Variants in NUDT14 observed in about 807,000 individuals in gnomAD.
NUDT14 encodes the protein uridine diphosphate glucose pyrophosphatase NUDT14.
NUDT14 carries 22 observed loss-of-function variants against 17.5 expected under a neutral mutation model. The ratio of observed to expected loss-of-function variants is 1.26; its 90% CI spans 0.90 to 1.80. NUDT14 has a LOEUF of 1.80. Ranked by LOEUF, NUDT14 falls within the 40% of genes most tolerant of loss-of-function variation. NUDT14 has a pLI of 0.00. For synonymous variants in NUDT14, 129 were observed against 125.8 expected (o/e 1.03, Z -0.17); for missense variants, 296 against 295.6 (o/e 1.00, Z -0.01).
rs1160827085 is a variant in NUDT14 at position 105,181,120 on chromosome 14, C to G, written c.81+9G>C. 4.8e-6 allele frequency: 5 copies of G among 1,034,928 alleles called. No homozygotes were observed. The highest frequency in any genetic ancestry group is 5.9e-6 in the Non-Finnish European group (5 of 853,554). The allele number at this position is 1,034,928 out of a possible 1,614,324, so 64.1% of individuals were successfully genotyped here. On this transcript the variant is annotated intron_variant, in intron 1 of 4. Transcript: ENST00000392568. The surrounding 1 kb of genome is among the most constrained non-coding windows in gnomAD (Gnocchi z 5.0). Reference sequence around the variant, plus strand: ...CGGGGGCGCGGGGGACGCGGGGGCGCGGGCTCACCTGGCGGTAATGCAGCG... The same window carrying G: ...CGGGGGCGCGGGGGACGCGGGGGCGGGGGCTCACCTGGCGGTAATGCAGCG...
chr14:105,174,745 T>C (rs1388725411), intron 4 of NUDT14, among the ~76,000 whole-genome samples: 1 of 151,848 alleles, frequency 6.6e-6, no homozygotes, highest in Non-Finnish European at 1.5e-5. Flanking sequence ...CTGAGAGGAA[T>C]CTGCCAGCCA....
At position 105,173,334 on chromosome 14, in the gene NUDT14, C is replaced by T. The variant is rs2141005469; in HGVS notation, c.429-73G>A. The T allele has an allele frequency of 7.1e-7, 1 of 1,402,904 alleles. No individual in the cohort carries two copies. Among genetic ancestry groups the T allele is most frequent in the Non-Finnish European group, 9.2e-7 (1 of 1,084,254 alleles). The allele number at this position is 1,402,904 out of a possible 1,614,324, so 86.9% of individuals were successfully genotyped here. A position where few individuals can be genotyped will look rare whatever the true frequency, so the allele number is the denominator to read the frequency against. On this transcript the variant is annotated intron_variant, in intron 4 of 4. Transcript: ENST00000392568. This position sits in a 1 kb window ranked among gnomAD's most constrained non-coding sequence, Gnocchi z 4.7. ...GGCCCCCTGGCCCTTCTACCACCCT[C>T]CAACCCACCCTCTCCACTCTGCTCC...
chr14:105,177,927 G>A (rs1889251511), intron 1 of NUDT14, among the ~76,000 whole-genome samples, 192 bp from the exon 2 acceptor site: 1 of 152,070 alleles, frequency 6.6e-6, no homozygotes, highest in South Asian at 2.1e-4. Flanking sequence ...GGGAGGTCAA[G>A]GACAGCCTAA....
At chr14:105,177,221 G>T in intron 2 of NUDT14, 194 bp from the exon 3 acceptor site, 2 of 655,654 alleles carry the variant, frequency 3.1e-6, no homozygotes, top group East Asian at 5.5e-5. Context: ...GTCTGGCCAG[G>T]ACCCAGACCT....
At chr14:105,175,925 G>T (rs866251626) in intron 4 of NUDT14, 5 of 1,241,814 alleles carry the variant, frequency 4.0e-6, no homozygotes, top group Middle Eastern at 2.3e-4. Flanking sequence ...GGGGGTGGGG[G>T]TCTGTGACAC....
chr14:105,178,597 TG>T (rs1889265956), intron 1 of NUDT14, among the ~76,000 whole-genome samples: 1 of 152,190 alleles, frequency 6.6e-6, no homozygotes, highest in East Asian at 1.9e-4. Context: ...GGGCTGAGCC[TG>T]GGGTCCCGCG....
At position 105,181,166 on chromosome 14, in the gene NUDT14, G is replaced by A; in HGVS notation, c.44C>T (p.Ser15Leu). Residue 15 changes from serine (S) to leucine (L), a missense_variant, in exon 1 of 5, where the codon TCA (serine) becomes TTA (leucine). Physicochemically the swap from Ser to Leu is moderately radical, Grantham distance 145. Transcript: ENST00000392568. This position sits in a 1 kb window ranked among gnomAD's most constrained non-coding sequence, Gnocchi z 5.0. The part of the protein sequence containing the change: ...EGASVGRCAA[S>L]PYLRPLTLHY... ...CAGCGTGAGCGGCCGCAGGTAGGGT[G>A]AGGCGGCGCAGCGGCCCACGGACGC... 8.5e-7 allele frequency: 1 copy of A among 1,180,826 alleles called. No individual in the cohort carries two copies. Among genetic ancestry groups the A allele is most frequent in the Non-Finnish European group, 1.1e-6 (1 of 946,982 alleles). 73.1% of individuals were successfully genotyped at this position (1,180,826 alleles called of 1,614,324 possible).
chr14:105,175,132 C>T lies in NUDT14; in HGVS notation c.428+1402G>A, dbSNP rs587724154. Among the ~76,000 whole-genome samples the T allele has an allele frequency of 1.2e-4, 19 of 152,314 alleles. No individual in the cohort carries two copies. The Middle Eastern group carries it at 0.01, about 82-fold the overall frequency. On this transcript the variant is annotated intron_variant, in intron 4 of 4. Coordinates refer to ENST00000392568, the MANE Select transcript of NUDT14 (RefSeq NM_177533.5). The stretch of plus-strand genomic sequence containing the variant: ...CCAGAGGCTGTACCAGTAGAACCAC[C>T]GCGGCCAGGGCTGCTTGACCACTTG...
intron 4 of NUDT14, 127 bp downstream of exon 4, chr14:105,176,407 C>T: frequency 1.2e-6 from 1 of 831,984 alleles, no homozygotes; most frequent in South Asian, 1.6e-5. Flanking sequence ...TCGGTCCAAC[C>T]CTCCCCTAAT....
chr14:105,175,677 G>A (rs903700695), intron 4 of NUDT14: 68 of 989,960 alleles, frequency 6.9e-5, no homozygotes, highest in Non-Finnish European at 7.9e-5. Context: ...TGGGATTACA[G>A]GCGTGAGCCA....
At position 105,172,998 on chromosome 14, in the gene NUDT14, CCT is replaced by C; in HGVS notation, c.*21_*22del. On this transcript the variant is annotated 3_prime_UTR_variant, in exon 5 of 5. Transcript: ENST00000392568. ...GTGTGGGGTGAGTGGCCAAGACTGG[CCT>C]CTGTCTAGAACCCTGGAGTCTCACT... 2.0e-6 allele frequency: 3 copies of C among 1,478,132 alleles called. No homozygotes were observed. Among genetic ancestry groups the C allele is most frequent in the Non-Finnish European group, 2.7e-6 (3 of 1,115,118 alleles). 91.6% of individuals were successfully genotyped at this position (1,478,132 alleles called of 1,614,324 possible).
At chr14:105,174,695 G>C (rs184807583) in intron 4 of NUDT14, among the ~76,000 whole-genome samples, 1 of 152,026 alleles carries the variant, frequency 6.6e-6, no homozygotes, top group Non-Finnish European at 1.5e-5. Context: ...CCCGGTTTCC[G>C]CCGGCTTGTG....
At chr14:105,177,584 A>G (rs1889243047) in intron 2 of NUDT14, 108 bp downstream of exon 2, 1 of 1,026,270 alleles carries the variant, frequency 9.7e-7, no homozygotes, top group Middle Eastern at 2.7e-4. Flanking sequence ...GAGCCCACGC[A>G]GGGAACAGCA....
intron 4 of NUDT14, chr14:105,175,956 T>C: frequency 7.9e-7 from 1 of 1,265,458 alleles, no homozygotes; most frequent in Non-Finnish European, 1.0e-6. Flanking sequence ...CCCCAAGACC[T>C]CAGCTGGGGT....
chr14:105,176,317 G>T (rs961862197), intron 4 of NUDT14: 2 of 600,756 alleles, frequency 3.3e-6, no homozygotes, highest in Non-Finnish European at 5.9e-6. Context: ...GGGGCCGCAG[G>T]CTGGGGGCAT....
At chr14:105,175,916 G>T in intron 4 of NUDT14, 2 of 1,215,386 alleles carry the variant, frequency 1.6e-6, no homozygotes, top group Non-Finnish European at 2.1e-6. Flanking sequence ...TCAGCTGGTG[G>T]GGGTGGGGGT....
At position 105,177,709 on chromosome 14, in the gene NUDT14, G is replaced by GAA; in HGVS notation, c.106_107dup (p.Met37SerfsTer2). On this transcript the variant is annotated frameshift_variant, in exon 2 of 5. Transcript: ENST00000392568. LOFTEE classifies it high-confidence loss of function. Reference sequence around the variant, plus strand: ...GCTCTCACCTGTCATGCGTCTTCATGAAGTCCCAGGACTTCTGGGCACCAT... The same window carrying GAA: ...GCTCTCACCTGTCATGCGTCTTCATGAAAAGTCCCAGGACTTCTGGGCACCAT... 6.2e-7 allele frequency: 1 copy of GAA among 1,612,500 alleles called. No individual in the cohort carries two copies. Among genetic ancestry groups the GAA allele is most frequent in the Non-Finnish European group, 8.5e-7 (1 of 1,179,760 alleles).
chr14:105,177,269 G>T, intron 2 of NUDT14: 1 of 643,942 alleles, frequency 1.6e-6, no homozygotes, highest in East Asian at 2.8e-5. Flanking sequence ...GCGGGGGGCA[G>T]GGAAGGACAC....
intron 2 of NUDT14, 25 bp from the exon 3 acceptor site, chr14:105,177,052 C>T: frequency 6.2e-7 from 1 of 1,607,284 alleles, no homozygotes. Flanking sequence ...AGGGGCTCAG[C>T]ACAGAAGCAC....
Sources: gnomAD v4.1 joint callset for allele counts (sites outside exome capture counted in the v4.1 genomes callset) on GRCh38, gnomAD v4.1.1 for gene constraint, Gnocchi (gnomAD v3.1) non-coding constraint, MANE v1.5 for transcripts, NCBI Gene and HGNC (gene_info 2026-07-23, HGNC 2026-07-21) for gene names.